ZDHHC21: variants seen among roughly 807,000 people sequenced by gnomAD.
ZDHHC21 encodes palmitoyltransferase ZDHHC21.
Under a neutral mutation model 34.6 loss-of-function variants are expected in ZDHHC21, and 15 were observed. The observed-to-expected ratio is 0.43, with a 90% CI of 0.29 to 0.67. The LOEUF (loss-of-function observed/expected upper bound fraction) is 0.67. Among genes scored for constraint, ZDHHC21 ranks in the 30% least tolerant of loss-of-function variants. The pLI is 0.14. For missense variants in ZDHHC21, 344 were observed against 327.7 expected (o/e 1.05, Z -0.38); for synonymous variants, 142 against 101.8 (o/e 1.40, Z -2.38).
intron 2 of ZDHHC21, among the ~76,000 whole-genome samples, chr9:14,684,897 C>G (rs1213635634): frequency 1.3e-5 from 2 of 152,190 alleles, no homozygotes; most frequent in African/African-American, 4.8e-5. Flanking sequence ...GAAATAATAG[C>G]ACACATCTAC....
chr9:14,627,051 C>T (rs1826378519), intron 8 of ZDHHC21, among the ~76,000 whole-genome samples: 1 of 152,006 alleles, frequency 6.6e-6, no homozygotes, highest in African/African-American at 2.4e-5. Flanking sequence ...GAGCTGAGTA[C>T]ATCAAACATA....
chr9:14,596,403 G>C, the ZDHHC21 span, among the ~76,000 whole-genome samples: 12,554 of 152,268 alleles, frequency 0.082, 1,347 homozygotes, highest in African/African-American at 0.25. Context: ...AGGAGTGTGT[G>C]TAAGATGGGT....
chr9:14,665,217 C>A (rs1156787638), intron 5 of ZDHHC21, among the ~76,000 whole-genome samples: 4 of 135,170 alleles, frequency 3.0e-5, no homozygotes, highest in Non-Finnish European at 4.7e-5. Flanking sequence ...GCCTCAGGAG[C>A]CGATGCGATC....
intron 5 of ZDHHC21, among the ~76,000 whole-genome samples, chr9:14,672,203 T>C (rs13290219): frequency 0.4 from 60,498 of 151,880 alleles, 12,105 homozygotes; most frequent in Non-Finnish European, 0.41. Context: ...GATCCCTTTT[T>C]TGAAGAATTC....
chr9:14,674,027 TA>T (rs962573147), intron 4 of ZDHHC21, among the ~76,000 whole-genome samples, 159 bp downstream of exon 4: 1 of 152,058 alleles, frequency 6.6e-6, no homozygotes, highest in Admixed American at 6.6e-5. Flanking sequence ...TAAAGGCCAT[TA>T]TTTCCATAAG....
At position 14,639,965 on chromosome 9, in the gene ZDHHC21, G is replaced by C. The variant is rs540759251; in HGVS notation, c.552C>G (p.Ala184=). 85 of 1,609,322 alleles carry C rather than the reference G, an allele frequency of 5.3e-5. 1 individual carries two copies. The East Asian group carries it at 1.7e-3, about 32-fold the overall frequency. Residue 184 remains alanine (A), a synonymous_variant, in exon 8 of 10, where the codon GCC becomes GCG. Coordinates refer to ENST00000380916, the MANE Select transcript of ZDHHC21 (RefSeq NM_178566.6). The part of the protein sequence containing the change: ...RHELAIMRLA[A]FMGITMLVGI... ...CAACTAACATAGTAATGCCCATAAA[G>C]GCTGCTAGTCTCATTATGGCCAATT... is the stretch of plus-strand genomic sequence containing the variant.
In ZDHHC21 at chr9:14,613,105, T is replaced by C. The variant is rs1823596128; in HGVS notation, c.*5861A>G. 6.6e-6 allele frequency: 1 copy of C among 151,756 alleles called. No individual in the cohort carries two copies. The highest frequency in any genetic ancestry group is 1.5e-5 in the Non-Finnish European group (1 of 67,810). 9.4% of individuals were successfully genotyped at this position (151,756 alleles called of 1,614,324 possible). ...ACCTTTTAAAGTAGCCAAGCTATAT[T>C]AAAATACAAAATTAAAATCCATACA... On this transcript the variant is annotated 3_prime_UTR_variant, in exon 10 of 10. Transcript: ENST00000380916.
intron 8 of ZDHHC21, among the ~76,000 whole-genome samples, chr9:14,638,288 A>C (rs760591071): frequency 1.1e-4 from 16 of 152,034 alleles, no homozygotes; most frequent in Admixed American, 2.0e-4. Context: ...GGGGAAAAAA[A>C]CAGTCTTTTG....
intron 1 of ZDHHC21, among the ~76,000 whole-genome samples, 199 bp downstream of exon 1, chr9:14,693,030 G>T (rs577598202): frequency 6.6e-6 from 1 of 151,990 alleles, no homozygotes; most frequent in East Asian, 1.9e-4. Context: ...GCCAGGCCTG[G>T]GGCGGGGAGG....
intron 6 of ZDHHC21, among the ~76,000 whole-genome samples, chr9:14,659,608 G>T (rs988306771): frequency 6.6e-6 from 1 of 152,200 alleles, no homozygotes; most frequent in East Asian, 1.9e-4. Flanking sequence ...CCTAGTTCAA[G>T]ACTACAAATG....
chr9:14,637,917 G>A (rs1828595465), intron 8 of ZDHHC21, among the ~76,000 whole-genome samples: 1 of 151,966 alleles, frequency 6.6e-6, no homozygotes, highest in African/African-American at 2.4e-5. Flanking sequence ...CATGATAATG[G>A]ATCAGAAGAA....
chr9:14,681,171 A>T (rs946846985), intron 2 of ZDHHC21, among the ~76,000 whole-genome samples: 1 of 152,186 alleles, frequency 6.6e-6, no homozygotes, highest in Non-Finnish European at 1.5e-5. Flanking sequence ...AAGTTTAAGG[A>T]AGTGATATTT....
chr9:14,612,843 T>TACACAAACAC lies in ZDHHC21; in HGVS notation c.*6122_*6123insGTGTTTGTGT. 7.0e-6 allele frequency: 1 copy of TACACAAACAC among 143,338 alleles called. No individual in the cohort carries two copies. Among genetic ancestry groups the TACACAAACAC allele is most frequent in the African/African-American group, 2.6e-5 (1 of 38,780 alleles). 8.9% of individuals were successfully genotyped at this position (143,338 alleles called of 1,614,324 possible). A position where few individuals can be genotyped will look rare whatever the true frequency, so the allele number is the denominator to read the frequency against. On this transcript the variant is annotated 3_prime_UTR_variant, in exon 10 of 10. Transcript: ENST00000380916. Reference sequence around the variant, plus strand: ...ATTATTCTTTAAAGCCACTAAAGATTACACACACACACACACACACACACA... The same window carrying TACACAAACAC: ...ATTATTCTTTAAAGCCACTAAAGATTACACAAACACACACACACACACACACACACACACA...
chr9:14,687,463 G>C (rs574849358), intron 2 of ZDHHC21, among the ~76,000 whole-genome samples: 1 of 150,832 alleles, frequency 6.6e-6, no homozygotes, highest in Non-Finnish European at 1.5e-5. Context: ...CTGAGGTCAG[G>C]AGTTTGAGGC....
chr9:14,674,805 C>A (rs1030162467), intron 3 of ZDHHC21, among the ~76,000 whole-genome samples: 33 of 151,998 alleles, frequency 2.2e-4, no homozygotes, highest in African/African-American at 7.7e-4. Flanking sequence ...ATGGGTCACA[C>A]AAGTCAAAAC....
chr9:14,596,721 GA>G, the ZDHHC21 span, among the ~76,000 whole-genome samples: 4 of 150,680 alleles, frequency 2.7e-5, no homozygotes, highest in Non-Finnish European at 4.4e-5. Flanking sequence ...AATTCTGAAA[GA>G]AAAAAAAATA....
chr9:14,629,350 C>A (rs1013571447), intron 8 of ZDHHC21, among the ~76,000 whole-genome samples: 4 of 152,104 alleles, frequency 2.6e-5, no homozygotes, highest in Non-Finnish European at 5.9e-5. Context: ...CAGAAAAAAA[C>A]CCTTGCAATT....
Sources: allele counts gnomAD v4.1 joint callset (sites outside exome capture counted in the v4.1 genomes callset), GRCh38; gene constraint gnomAD v4.1.1; transcripts MANE v1.5; gene names NCBI Gene and HGNC (gene_info 2026-07-23, HGNC 2026-07-21).